The following HP1BP3 variants were observed in gnomAD, a reference collection of about 807,000 sequenced individuals.
HP1BP3 encodes the protein heterochromatin protein 1 binding protein 3.
A neutral mutation model predicts 62.5 loss-of-function variants in HP1BP3; 12 were observed. That is an observed-to-expected ratio of 0.19 (90% CI 0.12 to 0.31). The LOEUF (loss-of-function observed/expected upper bound fraction) is 0.31. Among genes scored for constraint, HP1BP3 ranks in the 10% least tolerant of loss-of-function variants. The probability of loss-of-function intolerance (pLI) is 1.00; values close to 1 mark genes in which losing one functional copy is unlikely to be tolerated. For synonymous variants in HP1BP3, 260 were observed against 237.8 expected (o/e 1.09, Z -0.86); for missense variants, 502 against 651.8 (o/e 0.77, Z 2.50).
intron 3 of HP1BP3, among the ~76,000 whole-genome samples, chr1:20,777,469 T>A (rs140971063): frequency 0.038 from 5,744 of 152,100 alleles, 326 homozygotes; most frequent in African/African-American, 0.13. Context: ...TTATTTATTT[T>A]TTTTTTGAGA....
rs896402238 is a variant in HP1BP3, at chr1:20,744,566, A to G, written c.*231T>C. ...ACAAGTATACATTACATAGTTTAGGAAAGTCCAGGATTATTGCAGAAATTA... is the reference window on the plus strand; with the variant it reads ...ACAAGTATACATTACATAGTTTAGGGAAGTCCAGGATTATTGCAGAAATTA... On this transcript the variant is annotated 3_prime_UTR_variant, in exon 13 of 13. Coordinates refer to ENST00000438032, the MANE Select transcript of HP1BP3 (RefSeq NM_001372052.1). 1.8e-5 allele frequency: 9 copies of G among 500,396 alleles called. No homozygotes were observed. Among genetic ancestry groups the G allele is most frequent in the Non-Finnish European group, 2.8e-5 (8 of 284,432 alleles). 31.0% of individuals were successfully genotyped at this position (500,396 alleles called of 1,614,324 possible). A position where few individuals can be genotyped will look rare whatever the true frequency, so the allele number is the denominator to read the frequency against.
intron 9 of HP1BP3, among the ~76,000 whole-genome samples, chr1:20,752,823 G>C (rs1456310661): frequency 6.6e-6 from 1 of 152,184 alleles, no homozygotes; most frequent in Non-Finnish European, 1.5e-5. Context: ...TATTTTATGG[G>C]ATGAAACAGG....
At chr1:20,762,045 A>G (rs2056512547) in intron 8 of HP1BP3, among the ~76,000 whole-genome samples, 1 of 152,232 alleles carries the variant, frequency 6.6e-6, no homozygotes. Flanking sequence ...GACATTGTAG[A>G]TACCAGTATA....
Position 20,745,071 on chromosome 1 carries a change from G to C in HP1BP3, c.1388C>G (p.Ala463Gly). 1.2e-6 allele frequency: 2 copies of C among 1,609,592 alleles called. No individual in the cohort carries two copies. The highest frequency in any genetic ancestry group is 1.7e-6 in the Non-Finnish European group (2 of 1,178,644). ...AGATGCGGCCTTCCCTGGGGACTTG[G>C]CTGGGGTTTTCTTCTGCAACCTGTG... The part of the protein sequence containing the change: ...PKRRLQKKTP[A>G]KSPGKAASVK... Residue 463 changes from alanine (A) to glycine (G), a missense_variant, in exon 13 of 13, where the codon GCC becomes GGC. Coordinates refer to ENST00000438032, the MANE Select transcript of HP1BP3 (RefSeq NM_001372052.1).
chr1:20,756,364 A>G (rs1192850260), intron 9 of HP1BP3, among the ~76,000 whole-genome samples: 7 of 152,144 alleles, frequency 4.6e-5, no homozygotes, highest in East Asian at 1.9e-4. Flanking sequence ...GATGTTAAAG[A>G]TGTTTGCAAA....
intron 9 of HP1BP3, among the ~76,000 whole-genome samples, chr1:20,752,219 G>C (rs1452851572): frequency 6.6e-6 from 1 of 151,914 alleles, no homozygotes. Flanking sequence ...CCGAGATCAA[G>C]CCACTGTACT....
chr1:20,752,067 C>T (rs183293001), intron 9 of HP1BP3, among the ~76,000 whole-genome samples: 15 of 152,098 alleles, frequency 9.9e-5, no homozygotes, highest in Admixed American at 9.8e-4. Flanking sequence ...CAAGACCAGC[C>T]TGGCCAACAT....
intron 9 of HP1BP3, among the ~76,000 whole-genome samples, chr1:20,756,667 TAAAGTA>T (rs1455654006): frequency 6.6e-6 from 1 of 152,248 alleles, no homozygotes; most frequent in Non-Finnish European, 1.5e-5. Flanking sequence ...ACTAGTATTT[TAAAGTA>T]AATCAATAAA....
At chr1:20,754,198 T>C (rs2055952228) in intron 9 of HP1BP3, among the ~76,000 whole-genome samples, 1 of 152,252 alleles carries the variant, frequency 6.6e-6, no homozygotes, top group African/African-American at 2.4e-5. Context: ...ATTGTATTTC[T>C]ACAGGTTAGC....
intron 1 of HP1BP3, among the ~76,000 whole-genome samples, chr1:20,785,124 G>C (rs993748689): frequency 1.3e-5 from 2 of 152,244 alleles, no homozygotes; most frequent in East Asian, 3.9e-4. Flanking sequence ...GGTTGCCCAA[G>C]CTGGTCTCTA....
rs2154541277 is a variant in HP1BP3 at position 20,776,585 on chromosome 1, A to AT, written c.350+11dup. The stretch of plus-strand genomic sequence containing the variant: ...CTTCAAATATAAATAGCAAGAAGAC[A>AT]TAACTCCTTACTCCTTTTTGGTTTC... On this transcript the variant is annotated intron_variant, in intron 4 of 12. Coordinates refer to ENST00000438032, the MANE Select transcript of HP1BP3 (RefSeq NM_001372052.1). 2 of 1,603,460 alleles carry AT rather than the reference A, an allele frequency of 1.2e-6. No homozygotes were observed. Among genetic ancestry groups the AT allele is most frequent in the Non-Finnish European group, 1.7e-6 (2 of 1,174,846 alleles).
intron 11 of HP1BP3, among the ~76,000 whole-genome samples, chr1:20,746,523 A>G (rs1290866052): frequency 1.3e-5 from 2 of 152,224 alleles, no homozygotes; most frequent in African/African-American, 2.4e-5. Flanking sequence ...TCTTAGTGGT[A>G]TATGTTATGT....
chr1:20,764,397 G>A (rs1049398656), intron 8 of HP1BP3, among the ~76,000 whole-genome samples: 2 of 151,428 alleles, frequency 1.3e-5, no homozygotes, highest in Admixed American at 6.6e-5. Flanking sequence ...AGGCTGGAGT[G>A]CAATGGCGCA....
At chr1:20,750,816 CTTTTTTT>C (rs767621434) in intron 9 of HP1BP3, among the ~76,000 whole-genome samples, 10 of 116,534 alleles carry the variant, frequency 8.6e-5, no homozygotes, top group African/African-American at 2.9e-4. Flanking sequence ...TATTTTCTCT[CTTTTTTT>C]TTTTTTTTTT....
intron 10 of HP1BP3, among the ~76,000 whole-genome samples, chr1:20,749,037 G>A (rs2055535692): frequency 6.6e-6 from 1 of 152,146 alleles, no homozygotes; most frequent in Non-Finnish European, 1.5e-5. Flanking sequence ...AATATAAGTA[G>A]TAAGTACTCT....
At chr1:20,777,130 G>A (rs2057337517) in intron 3 of HP1BP3, among the ~76,000 whole-genome samples, 1 of 152,034 alleles carries the variant, frequency 6.6e-6, no homozygotes, top group African/African-American at 2.4e-5. Flanking sequence ...TATTCTCCAA[G>A]AGGAATGACT....
At chr1:20,764,875 CA>C (rs1219583949) in intron 8 of HP1BP3, among the ~76,000 whole-genome samples, 83 of 132,968 alleles carry the variant, frequency 6.2e-4, no homozygotes, top group Admixed American at 6.1e-4. Context: ...GACTTCATCT[CA>C]AAAAAAAAAA....
chr1:20,773,187 T>C (rs1031014222), intron 5 of HP1BP3, among the ~76,000 whole-genome samples: 2 of 152,208 alleles, frequency 1.3e-5, no homozygotes, highest in African/African-American at 4.8e-5. Flanking sequence ...AAATAAAAAC[T>C]GTACTTAATC....
At chr1:20,753,032 C>G (rs1045476549) in intron 9 of HP1BP3, among the ~76,000 whole-genome samples, 5 of 152,060 alleles carry the variant, frequency 3.3e-5, no homozygotes. Flanking sequence ...ACCTCTGCCT[C>G]CTGGGTTCAA....
Sources: gnomAD v4.1 joint callset for allele counts (sites outside exome capture counted in the v4.1 genomes callset) on GRCh38, gnomAD v4.1.1 for gene constraint, MANE v1.5 for transcripts, NCBI Gene and HGNC (gene_info 2026-07-23, HGNC 2026-07-21) for gene names.